The following ZC2HC1A variants were observed in gnomAD, a reference collection of about 807,000 sequenced individuals.
The protein encoded by ZC2HC1A is zinc finger C2HC domain-containing protein 1A.
ZC2HC1A carries 28 observed loss-of-function variants against 40.7 expected under a neutral mutation model. That is an observed-to-expected ratio of 0.69 (90% confidence interval 0.51 to 0.94). The LOEUF (loss-of-function observed/expected upper bound fraction) is 0.94, where lower values mean the gene tolerates loss of function less well. Among genes scored for constraint, ZC2HC1A ranks in the 40% least tolerant of loss-of-function variants. ZC2HC1A has a pLI of 0.00. For synonymous variants in ZC2HC1A, 129 were observed against 129.2 expected (o/e 1.00, Z 0.01); for missense variants, 389 against 386.3 (o/e 1.01, Z -0.06).
intron 3 of ZC2HC1A, chr8:78,685,783 G>A (rs2130481177): frequency 6.6e-6 from 1 of 152,254 alleles, no homozygotes; most frequent in South Asian, 2.1e-4. Flanking sequence ...TCTGTTAGAG[G>A]ATCTATGGAA....
Position 78,686,474 on chromosome 8 carries a change from C to T in ZC2HC1A, c.218C>T (p.Pro73Leu). Residue 73 changes from proline to leucine, a missense_variant, in exon 4 of 9, where the codon CCA becomes CTA. Transcript: ENST00000263849. ...TTATTTATTTATTTATAGCCAGAAC[C>T]ACCAAAGAAACCATCTAATTGGAGA... is the stretch of plus-strand genomic sequence containing the variant. Reference protein sequence around the residue: ...TVKPLKPRPEPPKKPSNWRRK... With the variant: ...TVKPLKPRPELPKKPSNWRRK... 1 of 1,472,102 alleles carries T rather than the reference C, an allele frequency of 6.8e-7. No homozygotes were observed. The highest frequency in any genetic ancestry group is 9.0e-7 in the Non-Finnish European group (1 of 1,110,612). The allele number at this position is 1,472,102 out of a possible 1,614,324, so 91.2% of individuals were successfully genotyped here. A position where few individuals can be genotyped will look rare whatever the true frequency, so the allele number is the denominator to read the frequency against.
At chr8:78,682,205 G>T (rs1174413439) in intron 3 of ZC2HC1A, among the ~76,000 whole-genome samples, 4 of 152,116 alleles carry the variant, frequency 2.6e-5, no homozygotes, top group Non-Finnish European at 5.9e-5. Flanking sequence ...ACTAGAGGCA[G>T]TTCCCATTAA....
At chr8:78,715,564 G>A (rs1811075824) in intron 8 of ZC2HC1A, among the ~76,000 whole-genome samples, 2 of 152,088 alleles carry the variant, frequency 1.3e-5, no homozygotes, top group Admixed American at 6.5e-5. Flanking sequence ...TATGGGAGGA[G>A]GTCAAAATAT....
intron 6 of ZC2HC1A, 92 bp downstream of exon 6, chr8:78,697,598 A>G (rs1353293024): frequency 4.6e-6 from 4 of 874,414 alleles, no homozygotes; most frequent in Non-Finnish European, 7.1e-6. Context: ...GAATATTAAG[A>G]TAGATTTATA....
chr8:78,693,848 G>A (rs559798403), intron 5 of ZC2HC1A, among the ~76,000 whole-genome samples: 1 of 152,256 alleles, frequency 6.6e-6, no homozygotes, highest in Non-Finnish European at 1.5e-5. Flanking sequence ...TTTTCTTCTA[G>A]GGTTTTTATA....
intron 7 of ZC2HC1A, among the ~76,000 whole-genome samples, chr8:78,708,788 CT>C (rs1810866248): frequency 6.7e-6 from 1 of 149,798 alleles, no homozygotes; most frequent in Admixed American, 6.7e-5. Context: ...TCAAGTGATT[CT>C]GCTGCCTCAG....
chr8:78,680,039 G>A (rs375141132), intron 3 of ZC2HC1A, among the ~76,000 whole-genome samples: 2 of 151,960 alleles, frequency 1.3e-5, no homozygotes, highest in Non-Finnish European at 1.5e-5. Context: ...GCTACATACC[G>A]TATTATTCTG....
intron 7 of ZC2HC1A, among the ~76,000 whole-genome samples, chr8:78,707,411 G>A (rs1354793830): frequency 1.3e-5 from 2 of 152,292 alleles, no homozygotes; most frequent in East Asian, 3.9e-4. Context: ...ATAGCTTTGG[G>A]CATGTATCTC....
At chr8:78,692,856 T>C (rs1313876470) in intron 5 of ZC2HC1A, among the ~76,000 whole-genome samples, 1 of 152,124 alleles carries the variant, frequency 6.6e-6, no homozygotes, top group Non-Finnish European at 1.5e-5. Flanking sequence ...ACATGGAGTA[T>C]ATCTCCTAAT....
chr8:78,671,640 ACTG>A (rs1585974048), intron 1 of ZC2HC1A, among the ~76,000 whole-genome samples: 1 of 149,486 alleles, frequency 6.7e-6, no homozygotes, highest in Admixed American at 6.8e-5. Context: ...GCCTCATTTA[ACTG>A]TTGTTAAACT....
chr8:78,678,430 T>A, intron 2 of ZC2HC1A, 133 bp from the exon 3 acceptor site: 1 of 665,082 alleles, frequency 1.5e-6, no homozygotes, highest in Non-Finnish European at 2.6e-6. Flanking sequence ...GTGTATCTTA[T>A]TTATTTATTA....
At chr8:78,715,793 A>G (rs889364497) in intron 8 of ZC2HC1A, among the ~76,000 whole-genome samples, 2 of 152,032 alleles carry the variant, frequency 1.3e-5, no homozygotes, top group Non-Finnish European at 2.9e-5. Context: ...TAATCCCAGC[A>G]CTTTGAGAGG....
intron 5 of ZC2HC1A, among the ~76,000 whole-genome samples, chr8:78,694,286 G>GTT (rs34581027): frequency 7.0e-6 from 1 of 142,464 alleles, no homozygotes. Flanking sequence ...TATGTTCCTT[G>GTT]TTTTTTTTTT....
intron 7 of ZC2HC1A, among the ~76,000 whole-genome samples, chr8:78,699,651 G>A (rs1471377978): frequency 2.0e-5 from 3 of 151,972 alleles, no homozygotes; most frequent in Admixed American, 1.3e-4. Context: ...TCCAGTACGT[G>A]TTGTTCCCCT....
intron 1 of ZC2HC1A, among the ~76,000 whole-genome samples, chr8:78,675,282 A>G (rs991763029): frequency 2.6e-5 from 4 of 151,896 alleles, no homozygotes; most frequent in African/African-American, 9.7e-5. Flanking sequence ...TGTAATTTGC[A>G]TAACTAGGTG....
At chr8:78,670,519 C>T (rs947927013) in intron 1 of ZC2HC1A, among the ~76,000 whole-genome samples, 6 of 152,082 alleles carry the variant, frequency 3.9e-5, no homozygotes, top group South Asian at 2.1e-4. Flanking sequence ...TAAGAGAACC[C>T]ATTTAACTTA....
intron 4 of ZC2HC1A, among the ~76,000 whole-genome samples, chr8:78,688,776 A>C (rs968725174): frequency 7.9e-5 from 12 of 152,140 alleles, no homozygotes; most frequent in South Asian, 6.2e-4. Context: ...ATTTCTTGAC[A>C]GTTTTCCATT....
intron 7 of ZC2HC1A, among the ~76,000 whole-genome samples, chr8:78,712,504 G>A (rs976806801): frequency 1.3e-5 from 2 of 152,176 alleles, no homozygotes; most frequent in African/African-American, 2.4e-5. Flanking sequence ...TAGATAAGCC[G>A]ATGGTGAACT....
intron 7 of ZC2HC1A, among the ~76,000 whole-genome samples, chr8:78,702,191 A>C (rs1810626657): frequency 6.6e-6 from 1 of 152,102 alleles, no homozygotes; most frequent in South Asian, 2.1e-4. Context: ...TTCCTGGTTC[A>C]GTCTTGGGAG....
Sources: gnomAD v4.1 joint callset for allele counts (sites outside exome capture counted in the v4.1 genomes callset) on GRCh38, gnomAD v4.1.1 for gene constraint, MANE v1.5 for transcripts, NCBI Gene and HGNC (gene_info 2026-07-23, HGNC 2026-07-21) for gene names.